The following NT5DC3 variants were observed in gnomAD, a reference collection of about 807,000 sequenced individuals.
NT5DC3 encodes 5'-nucleotidase domain containing 3, also known as 5'-nucleotidase domain-containing protein 3.
In NT5DC3, 42 loss-of-function variants were observed where a neutral mutation model predicts 67.8. The ratio of observed to expected loss-of-function variants is 0.62; its 90% confidence interval spans 0.48 to 0.80. The LOEUF (loss-of-function observed/expected upper bound fraction) is 0.80, where lower values mean the gene tolerates loss of function less well. NT5DC3 is among the 30% of genes least tolerant of loss of function. NT5DC3 has a pLI of 0.00. For synonymous variants in NT5DC3, 237 were observed against 255.6 expected (o/e 0.93, Z 0.69); for missense variants, 570 against 696.4 (o/e 0.82, Z 2.04).
the NT5DC3 span, chr12:103,754,945 C>CA: frequency 0.12 from 19,114 of 158,962 alleles, 588 homozygotes; most frequent in Admixed American, 0.15. Flanking sequence ...GACTCCACCT[C>CA]AAAAAAAAAA....
intron 13 of NT5DC3, among the ~76,000 whole-genome samples, chr12:103,779,976 T>C (rs1407925702): frequency 1.3e-5 from 2 of 152,140 alleles, no homozygotes; most frequent in Non-Finnish European, 2.9e-5. Context: ...CTGCCAGCAT[T>C]ATTAACAACT....
intron 1 of NT5DC3, chr12:103,819,742 T>C (rs916754546): frequency 3.9e-5 from 6 of 152,250 alleles, no homozygotes; most frequent in African/African-American, 1.4e-4. Context: ...AGCTTTCTGT[T>C]TTGGTTCTGG....
At position 103,775,423 on chromosome 12, in the gene NT5DC3, C is replaced by T. The variant is rs1174522932; in HGVS notation, c.*2406G>A. ...TAAACAAAACACCCTATAACTGGCA[C>T]CTGGTAGGTAATCAATGAATATCTG... On this transcript the variant is annotated 3_prime_UTR_variant, in exon 14 of 14. Transcript: ENST00000392876. 4.6e-5 allele frequency: 7 copies of T among 152,156 alleles called. No homozygotes were observed. The highest frequency in any genetic ancestry group is 4.6e-4 in the Admixed American group (7 of 15,274). 9.4% of individuals were successfully genotyped at this position (152,156 alleles called of 1,614,324 possible).
chr12:103,764,049 G>A, the NT5DC3 span, among the ~76,000 whole-genome samples: 20 of 151,762 alleles, frequency 1.3e-4, no homozygotes, highest in Admixed American at 7.2e-4. Context: ...GCAGTGGCAC[G>A]ATCTCGGCTC....
intron 8 of NT5DC3, 47 bp from the exon 9 acceptor site, chr12:103,793,312 CTGTG>C (rs1886149678): frequency 1.3e-6 from 2 of 1,564,266 alleles, no homozygotes; most frequent in Non-Finnish European, 8.8e-7. Flanking sequence ...AAGAGATTAA[CTGTG>C]TCTGTAACTT....
the NT5DC3 span, chr12:103,746,610 G>A: frequency 2.5e-6 from 4 of 1,613,980 alleles, no homozygotes; most frequent in East Asian, 6.7e-5. Context: ...TGCCTGCAGT[G>A]TGTACGCCTC....
At chr12:103,816,563 TCTAA>T (rs779916378) in intron 1 of NT5DC3, among the ~76,000 whole-genome samples, 1 of 152,186 alleles carries the variant, frequency 6.6e-6, no homozygotes, top group Admixed American at 6.5e-5. Context: ...TTTGAGCAGT[TCTAA>T]CTATTTGTAA....
chr12:103,800,388 A>G (rs1886515667), intron 4 of NT5DC3, among the ~76,000 whole-genome samples: 1 of 152,254 alleles, frequency 6.6e-6, no homozygotes, highest in African/African-American at 2.4e-5. Context: ...TGACCTTGGA[A>G]ATCAGCCCTT....
intron 4 of NT5DC3, among the ~76,000 whole-genome samples, chr12:103,799,037 C>T (rs1886445570): frequency 6.6e-6 from 1 of 152,138 alleles, no homozygotes; most frequent in South Asian, 2.1e-4. Flanking sequence ...GGTCATGTAC[C>T]TGTTCAAGCA....
At chr12:103,750,065 T>C in the NT5DC3 span, among the ~76,000 whole-genome samples, 1 of 152,136 alleles carries the variant, frequency 6.6e-6, no homozygotes, top group African/African-American at 2.4e-5. Context: ...CTCATAATAA[T>C]GCAGACATCA....
At chr12:103,746,963 T>C in the NT5DC3 span, among the ~76,000 whole-genome samples, 7 of 149,644 alleles carry the variant, frequency 4.7e-5, no homozygotes, top group East Asian at 7.7e-4. Flanking sequence ...TTTTTTTTTT[T>C]TTTTTTTTCC....
the NT5DC3 span, among the ~76,000 whole-genome samples, chr12:103,748,639 C>T: frequency 4.3e-3 from 319 of 74,818 alleles, 1 homozygote; most frequent in Middle Eastern, 6.5e-3. Context: ...CACACACACA[C>T]ACACACACAC....
intron 1 of NT5DC3, among the ~76,000 whole-genome samples, chr12:103,815,388 T>C (rs1202870131): frequency 2.0e-5 from 3 of 152,152 alleles, no homozygotes; most frequent in African/African-American, 7.2e-5. Context: ...AATTTCTTTT[T>C]GTGGTGATGA....
chr12:103,798,569 TA>T lies in NT5DC3; in HGVS notation c.615+17del. On this transcript the variant is annotated intron_variant, in intron 5 of 13. Coordinates refer to ENST00000392876, the MANE Select transcript of NT5DC3 (RefSeq NM_001031701.3). Reference sequence around the variant, plus strand: ...AAGGAAAAAGGCTGCTTTAAATGAATAAAGTGCTTCTCATTACCTTTCCGTA... The same window carrying T: ...AAGGAAAAAGGCTGCTTTAAATGAATAAGTGCTTCTCATTACCTTTCCGTA... 1.3e-6 allele frequency: 2 copies of T among 1,571,814 alleles called. No individual in the cohort carries two copies. The highest frequency in any genetic ancestry group is 1.1e-5 in the South Asian group (1 of 90,116).
At chr12:103,838,217 T>C (rs1888233594) in intron 1 of NT5DC3, among the ~76,000 whole-genome samples, 1 of 152,192 alleles carries the variant, frequency 6.6e-6, no homozygotes, top group South Asian at 2.1e-4. Context: ...CCTGGGTCCC[T>C]CCCAAAGTAC....
chr12:103,746,953 T>C, the NT5DC3 span, among the ~76,000 whole-genome samples: 1 of 126,256 alleles, frequency 7.9e-6, no homozygotes, highest in African/African-American at 2.6e-5. Flanking sequence ...TTCTTTCTTT[T>C]TTTTTTTTTT....
At position 103,793,476 on chromosome 12, in the gene NT5DC3, A is replaced by G; in HGVS notation, c.851T>C (p.Val284Ala). ...YICYAEQTRA[V>A]LAKLADHGKK... is the part of the protein sequence containing the mutation. ...GCCATGATCAGCCAGTTTGGCCAACACTGCGCGGGTCTGCTCAGCATAGCA... is the reference window on the plus strand; with the variant it reads ...GCCATGATCAGCCAGTTTGGCCAACGCTGCGCGGGTCTGCTCAGCATAGCA... Residue 284 changes from valine to alanine, a missense_variant, in exon 8 of 14, where the codon GTG becomes GCG. Val to Ala is a moderately conservative substitution (Grantham distance 64). Coordinates refer to ENST00000392876, the MANE Select transcript of NT5DC3 (RefSeq NM_001031701.3). The G allele has an allele frequency of 6.2e-7, 1 of 1,614,178 alleles. No individual in the cohort carries two copies. Among genetic ancestry groups the G allele is most frequent in the Non-Finnish European group, 8.5e-7 (1 of 1,180,000 alleles).
At chr12:103,811,778 G>A (rs1329622446) in intron 2 of NT5DC3, among the ~76,000 whole-genome samples, 1 of 152,212 alleles carries the variant, frequency 6.6e-6, no homozygotes, top group African/African-American at 2.4e-5. Context: ...AACACTGGAG[G>A]AAACTGGGCA....
intron 1 of NT5DC3, among the ~76,000 whole-genome samples, chr12:103,833,459 G>T (rs1179501897): frequency 6.6e-6 from 1 of 151,950 alleles, no homozygotes; most frequent in Non-Finnish European, 1.5e-5. Flanking sequence ...ATATTATATA[G>T]AATTATTATT....
Sources: allele counts gnomAD v4.1 joint callset (sites outside exome capture counted in the v4.1 genomes callset), GRCh38; gene constraint gnomAD v4.1.1; transcripts MANE v1.5; gene names NCBI Gene and HGNC (gene_info 2026-07-23, HGNC 2026-07-21).